ADRA2B: variants seen among roughly 807,000 people sequenced by gnomAD.
The protein encoded by ADRA2B is adrenoceptor alpha 2B.
ADRA2B carries 14 observed loss-of-function variants against 14.4 expected under a neutral mutation model. The ratio of observed to expected loss-of-function variants is 0.97; its 90% CI spans 0.64 to 1.52. The LOEUF is 1.52. Ranked by LOEUF, ADRA2B falls within the 40% of genes most tolerant of loss-of-function variation. The pLI, the probability that ADRA2B is intolerant of heterozygous loss-of-function variation, is 0.00. For missense variants in ADRA2B, 606 were observed against 603.2 expected, an observed-to-expected ratio of 1.00 and a Z score of -0.05; for synonymous variants, 250 against 263.7, an observed-to-expected ratio of 0.95 and a Z score of 0.50.
Position 96,113,757 on chromosome 2 carries a change from CAGA to C in ADRA2B, c.*1037_*1039del. 2.8e-6 allele frequency: 1 copy of C among 362,108 alleles called. No individual in the cohort carries two copies. Among genetic ancestry groups the C allele is most frequent in the Non-Finnish European group, 3.8e-6 (1 of 260,192 alleles). 22.4% of individuals were successfully genotyped at this position (362,108 alleles called of 1,614,324 possible). On this transcript the variant is annotated 3_prime_UTR_variant, in exon 1 of 1. Coordinates refer to ENST00000620793, the MANE Select transcript of ADRA2B (RefSeq NM_000682.7). ...GCGTAATAACTCAGACCTTTGCAGC[CAGA>C]AGAACACATTCTCAAAGAGATCCTT...
chr2:96,116,247 G>A lies in ADRA2B; in HGVS notation c.-98C>T. On this transcript the variant is annotated 5_prime_UTR_variant, in exon 1 of 1. Coordinates refer to ENST00000620793, the MANE Select transcript of ADRA2B (RefSeq NM_000682.7). Reference sequence around the variant, plus strand: ...CGGCTAGACAAGAGCGTCGCCCCTCGGGCGGCGCCGAGGGCGCTGGAGCCC... The same window carrying A: ...CGGCTAGACAAGAGCGTCGCCCCTCAGGCGGCGCCGAGGGCGCTGGAGCCC... 8.7e-7 allele frequency: 1 copy of A among 1,152,628 alleles called. No individual in the cohort carries two copies. Among genetic ancestry groups the A allele is most frequent in the Non-Finnish European group, 1.3e-6 (1 of 794,656 alleles). 71.4% of individuals were successfully genotyped at this position (1,152,628 alleles called of 1,614,324 possible).
chr2:96,113,487 C>T lies in ADRA2B; in HGVS notation c.*1310G>A, dbSNP rs29000574. On this transcript the variant is annotated 3_prime_UTR_variant, in exon 1 of 1. Transcript: ENST00000620793. ...CTCATTTGGGGCTTGGAGACCTGGC[C>T]GGGCACTCCAGTGGGAGGCTCCCCT... 413 of 230,510 alleles carry T rather than the reference C, an allele frequency of 1.8e-3. 2 individuals are homozygous for T. Among genetic ancestry groups the T allele is most frequent in the African/African-American group, 8.2e-3 (364 of 44,364 alleles). The allele number at this position is 230,510 out of a possible 1,614,324, so 14.3% of individuals were successfully genotyped here.
In ADRA2B at chr2:96,113,847, C is replaced by T; in HGVS notation, c.*950G>A. The T allele has an allele frequency of 1.0e-6, 1 of 970,038 alleles. No homozygotes were observed. Among genetic ancestry groups the T allele is most frequent in the Non-Finnish European group, 1.2e-6 (1 of 815,536 alleles). The allele number at this position is 970,038 out of a possible 1,614,324, so 60.1% of individuals were successfully genotyped here. A position where few individuals can be genotyped will look rare whatever the true frequency, so the allele number is the denominator to read the frequency against. The stretch of plus-strand genomic sequence containing the variant: ...TTCCAGTTCGGGGTAGGAATTCACA[C>T]ACCCCAGGGACAGAACAAAAGTCTA... On this transcript the variant is annotated 3_prime_UTR_variant, in exon 1 of 1. Coordinates refer to ENST00000620793, the MANE Select transcript of ADRA2B (RefSeq NM_000682.7).
Position 96,113,466 on chromosome 2 carries a change from T to A in ADRA2B, c.*1331A>T, listed in dbSNP as rs1681794881. 3.8e-6 allele frequency: 1 copy of A among 265,784 alleles called. No individual in the cohort carries two copies. The highest frequency in any genetic ancestry group is 7.0e-6 in the Non-Finnish European group (1 of 142,616). 16.5% of individuals were successfully genotyped at this position (265,784 alleles called of 1,614,324 possible). On this transcript the variant is annotated 3_prime_UTR_variant, in exon 1 of 1. Transcript: ENST00000620793. ...ATCAGTTGTGGTTCACAAGGACTCA[T>A]TTGGGGCTTGGAGACCTGGCCGGGC... is the stretch of plus-strand genomic sequence containing the variant.
chr2:96,114,056 T>C lies in ADRA2B; in HGVS notation c.*741A>G. On this transcript the variant is annotated 3_prime_UTR_variant, in exon 1 of 1. Coordinates refer to ENST00000620793, the MANE Select transcript of ADRA2B (RefSeq NM_000682.7). ...GATTTTTGCAGGGGGTGAATGCCAG[T>C]GATCGGGGATCTCCCGTCGAGGCAG... 1 of 985,860 alleles carries C rather than the reference T, an allele frequency of 1.0e-6. No homozygotes were observed. The highest frequency in any genetic ancestry group is 1.2e-6 in the Non-Finnish European group (1 of 829,964). 61.1% of individuals were successfully genotyped at this position (985,860 alleles called of 1,614,324 possible).
In ADRA2B at chr2:96,113,301, A is replaced by G. The variant is rs148821178; in HGVS notation, c.*1496T>C. 40 of 395,612 alleles carry G rather than the reference A, an allele frequency of 1.0e-4. No individual in the cohort carries two copies. The highest frequency in any genetic ancestry group is 1.7e-4 in the Non-Finnish European group (39 of 224,548). 24.5% of individuals were successfully genotyped at this position (395,612 alleles called of 1,614,324 possible). A position where few individuals can be genotyped will look rare whatever the true frequency, so the allele number is the denominator to read the frequency against. On this transcript the variant is annotated 3_prime_UTR_variant, in exon 1 of 1. Transcript: ENST00000620793. ...GAAGGCCGATAAACCTCCTTTCCAC[A>G]CTTCCAACTGTTCTGGGTGCCAGGT...
Position 96,114,479 on chromosome 2 carries a change from T to A in ADRA2B, c.*318A>T. ...AGCCCAGACATTGGTCTGGAGAGCA[T>A]GGGGCTCTGGGAAGAAAGTGCTCTC... On this transcript the variant is annotated 3_prime_UTR_variant, in exon 1 of 1. Coordinates refer to ENST00000620793, the MANE Select transcript of ADRA2B (RefSeq NM_000682.7). 1 of 1,156,442 alleles carries A rather than the reference T, an allele frequency of 8.6e-7. No individual in the cohort carries two copies. The highest frequency in any genetic ancestry group is 1.1e-6 in the Non-Finnish European group (1 of 935,192). The allele number at this position is 1,156,442 out of a possible 1,614,324, so 71.6% of individuals were successfully genotyped here. A position where few individuals can be genotyped will look rare whatever the true frequency, so the allele number is the denominator to read the frequency against.
rs751205344 is a variant in ADRA2B at position 96,115,943 on chromosome 2, C to G, written c.207G>C (p.Ser69=). ...AGTAGCCCAGCAGCTCGTTGGCCAG[C>G]GAGAAAGGGATGATGAGCGTGGCCA... The part of the protein sequence containing the change: ...ILVATLIIPF[S]LANELLGYWY... The change falls in exon 1 of 1, where the codon TCG becomes TCC. Residue 69 remains serine (S), a synonymous_variant. Transcript: ENST00000620793. 1.9e-6 allele frequency: 3 copies of G among 1,613,678 alleles called. No homozygotes were observed. In the African/African-American group the frequency reaches 4.0e-5, roughly 22 times the overall value.
rs1681782938 is a variant in ADRA2B at position 96,112,891 on chromosome 2, C to T, written c.*1906G>A. 5.5e-6 allele frequency: 2 copies of T among 366,686 alleles called. No homozygotes were observed. Among genetic ancestry groups the T allele is most frequent in the African/African-American group, 4.4e-5 (2 of 45,572 alleles). 22.7% of individuals were successfully genotyped at this position (366,686 alleles called of 1,614,324 possible). A position where few individuals can be genotyped will look rare whatever the true frequency, so the allele number is the denominator to read the frequency against. ...CACCACTTACTTATTACAAAATATC[C>T]TTTATTGATAAAATAGCTCAGAGTT... is the stretch of plus-strand genomic sequence containing the variant. On this transcript the variant is annotated 3_prime_UTR_variant, in exon 1 of 1. Transcript: ENST00000620793.
Position 96,115,513 on chromosome 2 carries a change from G to T in ADRA2B, c.637C>A (p.Pro213Thr), listed in dbSNP as rs762179934. Residue 213 changes from proline to threonine, a missense_variant, in exon 1 of 1, where the codon CCT becomes ACT. By Grantham distance (38) the Pro-to-Thr change is conservative (BLOSUM62 -1). Transcript: ENST00000620793. ...NRRGPRAKGG[P>T]GQGESKQPRP... is the part of the protein sequence containing the mutation. ...GGCTGCTTGGACTCACCCTGCCCAG[G>T]CCCCCCCTTGGCCCTGGGACCTCTG... 1.4e-5 allele frequency: 22 copies of T among 1,613,556 alleles called. No homozygotes were observed. Among genetic ancestry groups the T allele is most frequent in the Non-Finnish European group, 1.9e-5 (22 of 1,179,862 alleles).
In ADRA2B at chr2:96,116,240, GCCCCTC is replaced by G; in HGVS notation, c.-97_-92del. 1 of 1,245,184 alleles carries G rather than the reference GCCCCTC, an allele frequency of 8.0e-7. No individual in the cohort carries two copies. Among genetic ancestry groups the G allele is most frequent in the Non-Finnish European group, 1.1e-6 (1 of 876,420 alleles). 77.1% of individuals were successfully genotyped at this position (1,245,184 alleles called of 1,614,324 possible). ...CCCGGCTCGGCTAGACAAGAGCGTC[GCCCCTC>G]GGGCGGCGCCGAGGGCGCTGGAGCC... On this transcript the variant is annotated 5_prime_UTR_variant, in exon 1 of 1. Coordinates refer to ENST00000620793, the MANE Select transcript of ADRA2B (RefSeq NM_000682.7).
At position 96,114,378 on chromosome 2, in the gene ADRA2B, G is replaced by C. The variant is rs538033325; in HGVS notation, c.*419C>G. On this transcript the variant is annotated 3_prime_UTR_variant, in exon 1 of 1. Coordinates refer to ENST00000620793, the MANE Select transcript of ADRA2B (RefSeq NM_000682.7). ...GGCTGGCTCCGTGCTCTTTGTGGGT[G>C]GGGGGGAGATGAAAAAGAAACGAAA... The C allele has an allele frequency of 1.0e-5, 10 of 998,148 alleles. No homozygotes were observed. In the African/African-American group the frequency reaches 1.4e-4, roughly 14 times the overall value. The allele number at this position is 998,148 out of a possible 1,614,324, so 61.8% of individuals were successfully genotyped here. A position where few individuals can be genotyped will look rare whatever the true frequency, so the allele number is the denominator to read the frequency against.
Position 96,113,434 on chromosome 2 carries a change from T to A in ADRA2B, c.*1363A>T. Reference sequence around the variant, plus strand: ...CCGAGGCAGTCCACAAGCACCCACCTGGGGGGATCAGTTGTGGTTCACAAG... The same window carrying A: ...CCGAGGCAGTCCACAAGCACCCACCAGGGGGGATCAGTTGTGGTTCACAAG... On this transcript the variant is annotated 3_prime_UTR_variant, in exon 1 of 1. Coordinates refer to ENST00000620793, the MANE Select transcript of ADRA2B (RefSeq NM_000682.7). The A allele has an allele frequency of 3.1e-6, 1 of 318,666 alleles. No individual in the cohort carries two copies. Among genetic ancestry groups the A allele is most frequent in the Non-Finnish European group, 5.7e-6 (1 of 176,270 alleles). The allele number at this position is 318,666 out of a possible 1,614,324, so 19.7% of individuals were successfully genotyped here. A position where few individuals can be genotyped will look rare whatever the true frequency, so the allele number is the denominator to read the frequency against.
At position 96,113,217 on chromosome 2, in the gene ADRA2B, G is replaced by A. The variant is rs564884933; in HGVS notation, c.*1580C>T. 8 of 398,554 alleles carry A rather than the reference G, an allele frequency of 2.0e-5. No individual in the cohort carries two copies. Among genetic ancestry groups the A allele is most frequent in the African/African-American group, 1.0e-4 (5 of 48,712 alleles). The allele number at this position is 398,554 out of a possible 1,614,324, so 24.7% of individuals were successfully genotyped here. On this transcript the variant is annotated 3_prime_UTR_variant, in exon 1 of 1. Transcript: ENST00000620793. ...GCAGGTCCATCTGGCCCATTCCCCC[G>A]ACACCTGCCAAGCTAAGATGCCTAC...
Position 96,114,061 on chromosome 2 carries a change from G to T in ADRA2B, c.*736C>A, listed in dbSNP as rs1229400239. ...TTGCAGGGGGTGAATGCCAGTGATC[G>T]GGGATCTCCCGTCGAGGCAGAGACC... On this transcript the variant is annotated 3_prime_UTR_variant, in exon 1 of 1. Coordinates refer to ENST00000620793, the MANE Select transcript of ADRA2B (RefSeq NM_000682.7). 5 of 985,712 alleles carry T rather than the reference G, an allele frequency of 5.1e-6. No individual in the cohort carries two copies. The highest frequency in any genetic ancestry group is 6.0e-6 in the Non-Finnish European group (5 of 829,956). The allele number at this position is 985,712 out of a possible 1,614,324, so 61.1% of individuals were successfully genotyped here.
rs1238254021 is a variant in ADRA2B at position 96,113,170 on chromosome 2, C to A, written c.*1627G>T. 2.0e-5 allele frequency: 8 copies of A among 398,572 alleles called. No homozygotes were observed. Among genetic ancestry groups the A allele is most frequent in the Non-Finnish European group, 3.5e-5 (8 of 226,130 alleles). The allele number at this position is 398,572 out of a possible 1,614,324, so 24.7% of individuals were successfully genotyped here. ...CATTCTCTCTACACCCAGAAAACTC[C>A]CTCGGTGCCCTTCCAAATCTAGCAG... On this transcript the variant is annotated 3_prime_UTR_variant, in exon 1 of 1. Transcript: ENST00000620793.
At position 96,116,248 on chromosome 2, in the gene ADRA2B, G is replaced by A. The variant is rs1174382807; in HGVS notation, c.-99C>T. ...GGCTAGACAAGAGCGTCGCCCCTCG[G>A]GCGGCGCCGAGGGCGCTGGAGCCCC... On this transcript the variant is annotated 5_prime_UTR_variant, in exon 1 of 1. Coordinates refer to ENST00000620793, the MANE Select transcript of ADRA2B (RefSeq NM_000682.7). 12 of 1,116,006 alleles carry A rather than the reference G, an allele frequency of 1.1e-5. No individual in the cohort carries two copies. The highest frequency in any genetic ancestry group is 7.9e-6 in the Non-Finnish European group (6 of 763,576). The allele number at this position is 1,116,006 out of a possible 1,614,324, so 69.1% of individuals were successfully genotyped here.
chr2:96,115,961 C>A lies in ADRA2B; in HGVS notation c.189G>T (p.Thr63=), dbSNP rs772681763. ...TGGCCAGCGAGAAAGGGATGATGAG[C>A]GTGGCCACCAGGATGTCGGCGGCGG... The part of the protein sequence containing the change: ...SLAAADILVA[T]LIIPFSLANE... Residue 63 remains threonine (T), a synonymous_variant, in exon 1 of 1, where the codon ACG becomes ACT. Transcript: ENST00000620793. 1.9e-6 allele frequency: 3 copies of A among 1,613,818 alleles called. No homozygotes were observed. Among genetic ancestry groups the A allele is most frequent in the South Asian group, 2.2e-5 (2 of 91,072 alleles).
At position 96,115,216 on chromosome 2, in the gene ADRA2B, G is replaced by A. The variant is rs567823834; in HGVS notation, c.934C>T (p.Pro312Ser). 3.0e-4 allele frequency: 475 copies of A among 1,559,302 alleles called. No homozygotes were observed. The highest frequency in any genetic ancestry group is 3.8e-4 in the Non-Finnish European group (434 of 1,151,930). ...GCCGGAGACACTGGCACTGCCTGGG[G>A]TTCACACTCTTCCTCCTCCTCCTCC... The part of the protein sequence containing the change: ...EEEEEEEECE[P>S]QAVPVSPASA... Residue 312 changes from proline to serine, a missense_variant, in exon 1 of 1, where the codon CCC becomes TCC. By Grantham distance (74) the Pro-to-Ser change is moderately conservative (BLOSUM62 -1). Coordinates refer to ENST00000620793, the MANE Select transcript of ADRA2B (RefSeq NM_000682.7).
Sources: allele counts gnomAD v4.1 joint callset, GRCh38; gene constraint gnomAD v4.1.1; transcripts MANE v1.5; gene names NCBI Gene and HGNC (gene_info 2026-07-23, HGNC 2026-07-21).